The following ASTN2 variants were observed in gnomAD, a reference collection of about 807,000 sequenced individuals.
ASTN2 encodes astrotactin-2.
ASTN2 carries 54 observed loss-of-function variants against 139.8 expected under a neutral mutation model. The observed-to-expected ratio is 0.39, with a 90% CI of 0.31 to 0.48. The LOEUF is 0.48. ASTN2 is among the 20% of genes least tolerant of loss of function. ASTN2 has a pLI of 0.95. For synonymous variants in ASTN2, 756 were observed against 719.5 expected (o/e 1.05, Z -0.81); for missense variants, 1,565 against 1,725.1 (o/e 0.91, Z 1.64).
At chr9:116,603,766 A>G (rs1855037078) in intron 19 of ASTN2, among the ~76,000 whole-genome samples, 1 of 152,194 alleles carries the variant, frequency 6.6e-6, no homozygotes, top group African/African-American at 2.4e-5. Context: ...GATTCTGGTG[A>G]GTGAAGAGAG....
intron 12 of ASTN2, among the ~76,000 whole-genome samples, chr9:116,815,527 C>T (rs1033357183): frequency 2.6e-5 from 4 of 151,886 alleles, no homozygotes; most frequent in East Asian, 1.9e-4. Context: ...TTAATGAGGC[C>T]GGGCGCGGTG....
At chr9:117,162,413 T>G (rs185466735) in intron 3 of ASTN2, among the ~76,000 whole-genome samples, 1 of 152,062 alleles carries the variant, frequency 6.6e-6, no homozygotes, top group East Asian at 1.9e-4. Flanking sequence ...GCTGCTCTGG[T>G]GAGAGCAAAG....
rs74867018 is a variant in ASTN2, at chr9:117,212,710, T to C, written c.1015+1648A>G. On this transcript the variant is annotated intron_variant, in intron 3 of 22. Transcript: ENST00000313400. ...ATGCTCCTTATTAGTAATTATCAGG[T>C]AAATGCAAATCAAAAACTGCAATGA... is the stretch of plus-strand genomic sequence containing the variant. Among the ~76,000 whole-genome samples the C allele has an allele frequency of 2.6e-3, 401 of 152,236 alleles. 4 individuals carry two copies. The East Asian group carries it at 0.047, about 18-fold the overall frequency.
chr9:116,739,494 AATTTGCC>A (rs1829040631), intron 13 of ASTN2, among the ~76,000 whole-genome samples: 1 of 151,684 alleles, frequency 6.6e-6, no homozygotes, highest in Non-Finnish European at 1.5e-5. Flanking sequence ...CTCCCTCTGG[AATTTGCC>A]CTCCCTCTGC....
At chr9:117,190,799 T>C (rs1831324586) in intron 3 of ASTN2, among the ~76,000 whole-genome samples, 1 of 152,186 alleles carries the variant, frequency 6.6e-6, no homozygotes, top group African/African-American at 2.4e-5. Context: ...TTCCCTCCTT[T>C]GTTTTCTTTC....
intron 20 of ASTN2, among the ~76,000 whole-genome samples, chr9:116,457,079 G>C (rs940191604): frequency 6.6e-6 from 1 of 152,024 alleles, no homozygotes; most frequent in Admixed American, 6.6e-5. Context: ...TTCAACAAAG[G>C]TGCCAAGAAC....
intron 10 of ASTN2, among the ~76,000 whole-genome samples, chr9:116,943,823 A>G (rs1377762091): frequency 2.0e-5 from 3 of 152,138 alleles, no homozygotes; most frequent in Admixed American, 1.3e-4. Context: ...ATCTTTTTCC[A>G]TATTATCCCA....
intron 5 of ASTN2, among the ~76,000 whole-genome samples, chr9:117,050,201 G>C (rs931937869): frequency 2.6e-5 from 4 of 152,108 alleles, no homozygotes; most frequent in African/African-American, 9.6e-5. Context: ...CTGAGGAACA[G>C]AGCAAAAGAG....
At chr9:117,265,018 A>G (rs1268087392) in intron 2 of ASTN2, among the ~76,000 whole-genome samples, 1 of 152,168 alleles carries the variant, frequency 6.6e-6, no homozygotes, top group Non-Finnish European at 1.5e-5. Flanking sequence ...CAACTAGAAA[A>G]TCTCACAGCT....
chr9:116,473,013 T>C (rs1373454692), intron 20 of ASTN2, among the ~76,000 whole-genome samples: 6 of 152,176 alleles, frequency 3.9e-5, no homozygotes, highest in South Asian at 2.1e-4. Flanking sequence ...CCATCTTAGT[T>C]TCCTTGCCTG....
intron 3 of ASTN2, among the ~76,000 whole-genome samples, chr9:117,171,519 C>T (rs1371673981): frequency 2.0e-5 from 3 of 152,118 alleles, no homozygotes; most frequent in Admixed American, 1.3e-4. Context: ...GGCTGTGTCC[C>T]CACCCAAATC....
intron 3 of ASTN2, among the ~76,000 whole-genome samples, chr9:117,184,036 T>TC (rs1831138454): frequency 6.6e-6 from 1 of 152,152 alleles, no homozygotes; most frequent in Non-Finnish European, 1.5e-5. Context: ...TCCTGGAATA[T>TC]CCATCTGACC....
At chr9:116,645,315 G>C (rs1483054519) in intron 17 of ASTN2, among the ~76,000 whole-genome samples, 1 of 152,194 alleles carries the variant, frequency 6.6e-6, no homozygotes, top group African/African-American at 2.4e-5. Context: ...AACAGGTGGA[G>C]GGAGGAGATT....
intron 3 of ASTN2, among the ~76,000 whole-genome samples, chr9:117,175,358 T>C (rs753387565): frequency 1.3e-5 from 2 of 152,172 alleles, no homozygotes; most frequent in African/African-American, 4.8e-5. Context: ...AGTCTAAGTT[T>C]TGTGAATTTT....
At chr9:116,854,261 C>A (rs1832682220) in intron 11 of ASTN2, among the ~76,000 whole-genome samples, 1 of 152,164 alleles carries the variant, frequency 6.6e-6, no homozygotes, top group African/African-American at 2.4e-5. Context: ...CATGAGATAT[C>A]AGATAATAAT....
chr9:117,003,938 T>TCA (rs1837269804), intron 7 of ASTN2, among the ~76,000 whole-genome samples: 2 of 136,680 alleles, frequency 1.5e-5, no homozygotes, highest in African/African-American at 3.2e-5. Context: ...TGTGTTTCTT[T>TCA]CACGCGCGCG....
chr9:116,874,559 C>T (rs1258024029), intron 10 of ASTN2, among the ~76,000 whole-genome samples: 3 of 152,168 alleles, frequency 2.0e-5, no homozygotes, highest in Non-Finnish European at 4.4e-5. Context: ...ATATTCAACT[C>T]ACAGAATTGT....
At chr9:116,746,042 C>G (rs1003249056) in intron 13 of ASTN2, among the ~76,000 whole-genome samples, 3 of 151,774 alleles carry the variant, frequency 2.0e-5, no homozygotes, top group Admixed American at 2.0e-4. Context: ...GCTCATGGCC[C>G]CTTTCCTCAA....
intron 19 of ASTN2, among the ~76,000 whole-genome samples, chr9:116,492,731 G>A (rs10983194): frequency 0.076 from 11,626 of 152,258 alleles, 556 homozygotes; most frequent in East Asian, 0.16. Context: ...ACCAGACACT[G>A]TGCTAGGTAC....
Sources: allele counts gnomAD v4.1 joint callset (sites outside exome capture counted in the v4.1 genomes callset), GRCh38; gene constraint gnomAD v4.1.1; transcripts MANE v1.5; gene names NCBI Gene and HGNC (gene_info 2026-07-23, HGNC 2026-07-21).